SLC8A1: variants seen among roughly 807,000 people sequenced by gnomAD.
SLC8A1 encodes the protein sodium/calcium exchanger 1.
Under a neutral mutation model 68.3 loss-of-function variants are expected in SLC8A1, and 18 were observed. That is an observed-to-expected ratio of 0.26 (90% CI 0.18 to 0.39). The LOEUF is 0.39. Ranked by LOEUF, SLC8A1 falls within the 10% of genes least tolerant of loss-of-function variation. SLC8A1 has a pLI of 1.00. For synonymous variants in SLC8A1, 475 were observed against 415.5 expected, an observed-to-expected ratio of 1.14 and a Z score of -1.74; for missense variants, 985 against 1,156.7, an observed-to-expected ratio of 0.85 and a Z score of 2.15.
intron 2 of SLC8A1, among the ~76,000 whole-genome samples, chr2:40,418,917 T>C (rs1694691154): frequency 6.6e-6 from 1 of 152,148 alleles, no homozygotes; most frequent in Non-Finnish European, 1.5e-5. Context: ...ACAGCAACAC[T>C]GACAGCTCAT....
intron 2 of SLC8A1, among the ~76,000 whole-genome samples, chr2:40,296,240 G>C (rs1219820361): frequency 6.6e-6 from 1 of 152,010 alleles, no homozygotes; most frequent in South Asian, 2.1e-4. Context: ...AAAGTGCTTC[G>C]GTTACTTTTT....
At chr2:40,203,271 A>G (rs1390221676) in intron 2 of SLC8A1, among the ~76,000 whole-genome samples, 1 of 151,998 alleles carries the variant, frequency 6.6e-6, no homozygotes, top group Non-Finnish European at 1.5e-5. Flanking sequence ...TCATCAGCTA[A>G]TGGGTAGTGA....
At chr2:40,300,874 A>T (rs2071330545) in intron 2 of SLC8A1, among the ~76,000 whole-genome samples, 1 of 152,200 alleles carries the variant, frequency 6.6e-6, no homozygotes, top group Non-Finnish European at 1.5e-5. Flanking sequence ...AGAGCAAAGA[A>T]CTGTGATGAG....
At chr2:40,155,846 A>C (rs1483602021) in intron 6 of SLC8A1, among the ~76,000 whole-genome samples, 1 of 152,148 alleles carries the variant, frequency 6.6e-6, no homozygotes, top group Non-Finnish European at 1.5e-5. Flanking sequence ...GGTCACTTTA[A>C]TTTGCTGTGA....
At chr2:40,417,796 CAT>C (rs1694311443) in intron 2 of SLC8A1, among the ~76,000 whole-genome samples, 1 of 151,622 alleles carries the variant, frequency 6.6e-6, no homozygotes, top group South Asian at 2.1e-4. Flanking sequence ...ACTTTTATTC[CAT>C]GTTCATGTTT....
At chr2:40,302,043 G>GTGTGTGTGTA (rs2071565784) in intron 2 of SLC8A1, among the ~76,000 whole-genome samples, 1 of 148,984 alleles carries the variant, frequency 6.7e-6, no homozygotes. Flanking sequence ...GTGTGTGTGT[G>GTGTGTGTGTA]TGTGTGTGTG....
At chr2:40,167,031 A>G (rs2046663390) in intron 4 of SLC8A1, among the ~76,000 whole-genome samples, 1 of 152,244 alleles carries the variant, frequency 6.6e-6, no homozygotes, top group Admixed American at 6.5e-5. Context: ...GAGAAATTAC[A>G]AAACAAAGCT....
intron 1 of SLC8A1, among the ~76,000 whole-genome samples, chr2:40,487,008 A>G (rs967713563): frequency 6.6e-6 from 1 of 151,872 alleles, no homozygotes; most frequent in African/African-American, 2.4e-5. Context: ...ACTTGGGCAC[A>G]GGGCGGGGAA....
At chr2:40,234,597 C>T (rs2060116601) in intron 2 of SLC8A1, among the ~76,000 whole-genome samples, 1 of 152,168 alleles carries the variant, frequency 6.6e-6, no homozygotes, top group African/African-American at 2.4e-5. Flanking sequence ...TTATTTCCTT[C>T]TCCTGCCTAA....
chr2:40,265,130 T>C (rs544973119), intron 2 of SLC8A1, among the ~76,000 whole-genome samples: 46 of 152,310 alleles, frequency 3.0e-4, no homozygotes, highest in Non-Finnish European at 5.9e-4. Flanking sequence ...AGAAGGCGGA[T>C]TGTCCAGGAT....
intron 2 of SLC8A1, among the ~76,000 whole-genome samples, chr2:40,217,169 G>A (rs2057628531): frequency 6.6e-6 from 1 of 152,130 alleles, no homozygotes; most frequent in Non-Finnish European, 1.5e-5. Context: ...TTTTGTATAA[G>A]GTGTAAGGAA....
chr2:40,197,743 T>C (rs1317933572), intron 2 of SLC8A1, among the ~76,000 whole-genome samples: 1 of 150,772 alleles, frequency 6.6e-6, no homozygotes, highest in Non-Finnish European at 1.5e-5. Context: ...GTTGAAATTT[T>C]CCCCAGCTTG....
exon 8 of SLC8A1, chr2:40,115,204 T>TTATGTATATA: frequency 1.6e-6 from 2 of 1,221,896 alleles, no homozygotes; most frequent in Non-Finnish European, 2.1e-6. Flanking sequence ...TACATAATTT[T>TTATGTATATA]TATGTATATA....
chr2:40,363,544 T>C (rs1186979904), intron 2 of SLC8A1, among the ~76,000 whole-genome samples: 2 of 152,138 alleles, frequency 1.3e-5, no homozygotes, highest in African/African-American at 4.8e-5. Context: ...TCATTATTAT[T>C]AAATCCCAAG....
chr2:40,216,135 C>T (rs866240836), intron 2 of SLC8A1, among the ~76,000 whole-genome samples: 20 of 151,926 alleles, frequency 1.3e-4, no homozygotes, highest in Middle Eastern at 3.4e-3. Flanking sequence ...GTTGACCCAT[C>T]CTCTAAGTTT....
chr2:40,466,341 G>C (rs13026982), intron 1 of SLC8A1, among the ~76,000 whole-genome samples: 14,486 of 152,094 alleles, frequency 0.095, 1,143 homozygotes, highest in East Asian at 0.34. Context: ...GGAAAATTTT[G>C]TGGAACGATA....
intron 7 of SLC8A1, among the ~76,000 whole-genome samples, chr2:40,137,756 G>T (rs1049229785): frequency 6.6e-6 from 1 of 152,052 alleles, no homozygotes; most frequent in East Asian, 1.9e-4. Flanking sequence ...TGTAAGGATC[G>T]ATGGTCAACT....
intron 2 of SLC8A1, among the ~76,000 whole-genome samples, chr2:40,215,134 A>AGAGAAAG (rs2057252730): frequency 6.6e-6 from 1 of 152,206 alleles, no homozygotes; most frequent in Non-Finnish European, 1.5e-5. Context: ...GTTGTAGCAC[A>AGAGAAAG]GAGAAAGAGC....
intron 2 of SLC8A1, among the ~76,000 whole-genome samples, chr2:40,303,770 C>A (rs746822107): frequency 3.3e-5 from 5 of 152,158 alleles, no homozygotes; most frequent in Non-Finnish European, 7.3e-5. Flanking sequence ...GAGGGGGATT[C>A]TGGGTTTTCC....
Sources: allele counts gnomAD v4.1 joint callset (sites outside exome capture counted in the v4.1 genomes callset), GRCh38; gene constraint gnomAD v4.1.1; transcripts MANE v1.5; gene names NCBI Gene and HGNC (gene_info 2026-07-23, HGNC 2026-07-21).